The following APBA2 variants were observed in gnomAD, a reference collection of about 807,000 sequenced individuals.
The protein encoded by APBA2 is amyloid-beta A4 precursor protein-binding family A member 2.
Under a neutral mutation model 75.0 loss-of-function variants are expected in APBA2, and 30 were observed. The ratio of observed to expected loss-of-function variants is 0.40; its 90% confidence interval spans 0.30 to 0.54. APBA2 has a LOEUF of 0.54. Ranked by LOEUF, APBA2 falls within the 20% of genes least tolerant of loss-of-function variation. The pLI is 0.49. For missense variants in APBA2, 801 were observed against 1,016.1 expected (o/e 0.79, Z 2.88); for synonymous variants, 444 against 409.6 (o/e 1.08, Z -1.01).
chr15:29,072,203 C>A (rs146236139), intron 4 of APBA2, among the ~76,000 whole-genome samples: 3 of 152,268 alleles, frequency 2.0e-5, no homozygotes, highest in African/African-American at 4.8e-5. Context: ...TGGTTGATTT[C>A]TTTGGGGTTT....
chr15:29,078,922 C>G (rs1051462946), intron 6 of APBA2, among the ~76,000 whole-genome samples: 2 of 152,228 alleles, frequency 1.3e-5, no homozygotes, highest in Admixed American at 6.5e-5. Flanking sequence ...CCTCTGTTAC[C>G]TTTCATAGTG....
At chr15:28,954,718 C>T (rs1036060029) in intron 2 of APBA2, among the ~76,000 whole-genome samples, 5 of 152,218 alleles carry the variant, frequency 3.3e-5, no homozygotes, top group Admixed American at 3.3e-4. Flanking sequence ...TCACAGTTGA[C>T]ATCTAGGAGT....
At chr15:29,053,197 C>T (rs1370610915) in intron 3 of APBA2, among the ~76,000 whole-genome samples, 1 of 152,216 alleles carries the variant, frequency 6.6e-6, no homozygotes, top group African/African-American at 2.4e-5. Flanking sequence ...CTCTTCTCCC[C>T]ATGGCCGAGC....
chr15:28,923,857 G>C (rs2152675860), intron 2 of APBA2, among the ~76,000 whole-genome samples: 1 of 152,294 alleles, frequency 6.6e-6, no homozygotes, highest in African/African-American at 2.4e-5. Context: ...GGCATGAAAA[G>C]GCTTCTCTGC....
intron 2 of APBA2, among the ~76,000 whole-genome samples, chr15:28,978,344 A>T (rs1050749117): frequency 4.6e-5 from 7 of 152,174 alleles, no homozygotes; most frequent in Non-Finnish European, 5.9e-5. Flanking sequence ...ACAGATGACT[A>T]TGAGAAGATG....
chr15:29,108,740 A>C, intron 13 of APBA2: 2 of 433,426 alleles, frequency 4.6e-6, no homozygotes, highest in South Asian at 2.4e-5. Context: ...GTGCTCAACA[A>C]ACAGACGTTC....
At chr15:28,995,313 C>T (rs1036988616) in intron 2 of APBA2, among the ~76,000 whole-genome samples, 2 of 152,182 alleles carry the variant, frequency 1.3e-5, no homozygotes, top group African/African-American at 2.4e-5. Context: ...CCTCCTTCCT[C>T]TCTTCACTTT....
intron 2 of APBA2, among the ~76,000 whole-genome samples, chr15:28,945,521 A>ATT (rs79363150): frequency 5.0e-5 from 7 of 140,244 alleles, no homozygotes; most frequent in African/African-American, 1.3e-4. Flanking sequence ...CCGCTCATTG[A>ATT]TTTTTTTTTT....
At chr15:28,978,744 G>A (rs1184723726) in intron 2 of APBA2, among the ~76,000 whole-genome samples, 1 of 152,224 alleles carries the variant, frequency 6.6e-6, no homozygotes, top group East Asian at 1.9e-4. Flanking sequence ...TGGAGTCATT[G>A]TGTCACATTC....
rs1263840330 is a variant in APBA2 at position 29,117,402 on chromosome 15, A to G, written c.*269A>G. ...GTTCTGGACTGTCTTCTCCCTGCAC[A>G]AGCCAGGGTGTGTCTCGGTAGCTGT... On this transcript the variant is annotated 3_prime_UTR_variant, in exon 15 of 15. Coordinates refer to ENST00000683413, the MANE Select transcript of APBA2 (RefSeq NM_001353788.2). The G allele has an allele frequency of 3.7e-6, 2 of 533,798 alleles. No individual in the cohort carries two copies. Among genetic ancestry groups the G allele is most frequent in the Non-Finnish European group, 6.8e-6 (2 of 295,820 alleles). 33.1% of individuals were successfully genotyped at this position (533,798 alleles called of 1,614,324 possible). A position where few individuals can be genotyped will look rare whatever the true frequency, so the allele number is the denominator to read the frequency against.
At chr15:28,908,736 C>T (rs189201427) in intron 1 of APBA2, among the ~76,000 whole-genome samples, 1 of 152,302 alleles carries the variant, frequency 6.6e-6, no homozygotes, top group South Asian at 2.1e-4. Context: ...CTCCTGGCAT[C>T]TGACATCAAG....
intron 7 of APBA2, among the ~76,000 whole-genome samples, chr15:29,093,444 G>A (rs1055295932): frequency 6.6e-6 from 1 of 152,208 alleles, no homozygotes; most frequent in Non-Finnish European, 1.5e-5. Flanking sequence ...AGAGGCCCAC[G>A]GAATCCCAGA....
chr15:29,096,084 G>A (rs2043836174), intron 8 of APBA2, among the ~76,000 whole-genome samples: 1 of 152,104 alleles, frequency 6.6e-6, no homozygotes, highest in Non-Finnish European at 1.5e-5. Context: ...TTTAATTACG[G>A]TTTGTTCTTC....
chr15:28,902,561 G>A (rs138064147), intron 1 of APBA2, among the ~76,000 whole-genome samples: 5,559 of 152,240 alleles, frequency 0.037, 301 homozygotes, highest in African/African-American at 0.12. Context: ...CTATGGAAAT[G>A]CCAATGAAGT....
chr15:28,919,117 C>A (rs925467021), intron 1 of APBA2, among the ~76,000 whole-genome samples: 1 of 152,184 alleles, frequency 6.6e-6, no homozygotes, highest in African/African-American at 2.4e-5. Context: ...ACCTAGGCCT[C>A]CCAAAATGTT....
intron 6 of APBA2, among the ~76,000 whole-genome samples, chr15:29,078,448 T>C (rs1324215055): frequency 6.6e-6 from 1 of 151,290 alleles, no homozygotes; most frequent in East Asian, 1.9e-4. Context: ...CTGTCTCTAC[T>C]AAAAATACAA....
At chr15:29,024,202 C>T (rs1398323756) in intron 3 of APBA2, among the ~76,000 whole-genome samples, 2 of 152,138 alleles carry the variant, frequency 1.3e-5, no homozygotes, top group Non-Finnish European at 2.9e-5. Flanking sequence ...CTGTGCCCGG[C>T]CTTTTTTGCT....
intron 2 of APBA2, among the ~76,000 whole-genome samples, chr15:28,955,690 G>T (rs752318878): frequency 3.9e-5 from 6 of 152,216 alleles, no homozygotes; most frequent in Non-Finnish European, 8.8e-5. Flanking sequence ...ACAAAAGCTG[G>T]TTCCATCTGC....
rs866259353 is a variant in APBA2 at position 29,101,943 on chromosome 15, G to A, written c.1524+159G>A. 5.7e-5 allele frequency: 43 copies of A among 755,562 alleles called. No homozygotes were observed. The Middle Eastern group carries it at 8.6e-3, about 152-fold the overall frequency. The allele number at this position is 755,562 out of a possible 1,614,324, so 46.8% of individuals were successfully genotyped here. A position where few individuals can be genotyped will look rare whatever the true frequency, so the allele number is the denominator to read the frequency against. ...GATCTTTTGCATACTCTTTGGGTTT[G>A]CAAAGATAGTGAATACAGTTTTATT... On this transcript the variant is annotated intron_variant, in intron 10 of 14. Coordinates refer to ENST00000683413, the MANE Select transcript of APBA2 (RefSeq NM_001353788.2).
Sources: gnomAD v4.1 joint callset for allele counts (sites outside exome capture counted in the v4.1 genomes callset) on GRCh38, gnomAD v4.1.1 for gene constraint, MANE v1.5 for transcripts, NCBI Gene and HGNC (gene_info 2026-07-23, HGNC 2026-07-21) for gene names.